RAD54B: variants seen among roughly 807,000 people sequenced by gnomAD.
RAD54B encodes RAD54 homolog B.
Under a neutral mutation model 95.8 loss-of-function variants are expected in RAD54B, and 78 were observed. That is an observed-to-expected ratio of 0.81 (90% CI 0.68 to 0.98). RAD54B has a LOEUF of 0.98. Ranked by LOEUF, RAD54B falls within the 50% of genes least tolerant of loss-of-function variation. RAD54B has a pLI of 0.00. For synonymous variants in RAD54B, 328 were observed against 354.9 expected, an observed-to-expected ratio of 0.92 and a Z score of 0.85; for missense variants, 957 against 1,056.6, an observed-to-expected ratio of 0.91 and a Z score of 1.31.
At chr8:94,419,281 G>T (rs940790461) in intron 3 of RAD54B, among the ~76,000 whole-genome samples, 1 of 152,122 alleles carries the variant, frequency 6.6e-6, no homozygotes, top group African/African-American at 2.4e-5. Context: ...AGGCCAAGGC[G>T]GGTGGATCAC....
At chr8:94,434,696 A>T (rs1812208291) in intron 3 of RAD54B, among the ~76,000 whole-genome samples, 2 of 151,698 alleles carry the variant, frequency 1.3e-5, no homozygotes, top group Admixed American at 6.6e-5. Flanking sequence ...TAAGCACATT[A>T]AATATATATA....
At chr8:94,455,987 C>T (rs535939787) in intron 3 of RAD54B, among the ~76,000 whole-genome samples, 131 of 152,266 alleles carry the variant, frequency 8.6e-4, no homozygotes, top group African/African-American at 3.1e-3. Context: ...CTTTAGGAGA[C>T]ACAATTGAAG....
intron 1 of RAD54B, among the ~76,000 whole-genome samples, chr8:94,471,227 G>A (rs10091109): frequency 0.31 from 45,968 of 149,972 alleles, 7,532 homozygotes; most frequent in East Asian, 0.43. Context: ...ACACAGAAGA[G>A]GTTCAGTATT....
intron 3 of RAD54B, among the ~76,000 whole-genome samples, chr8:94,415,223 A>T (rs1030789261): frequency 1.3e-5 from 2 of 151,350 alleles, no homozygotes; most frequent in African/African-American, 4.9e-5. Flanking sequence ...CATATCTACA[A>T]CTATCTGATC....
intron 3 of RAD54B, among the ~76,000 whole-genome samples, chr8:94,424,290 G>C (rs563920371): frequency 2.0e-4 from 30 of 152,224 alleles, no homozygotes; most frequent in African/African-American, 7.2e-4. Context: ...ACACCTTTGT[G>C]CCAGTTTATA....
intron 3 of RAD54B, chr8:94,436,745 T>C (rs1385570336): frequency 6.4e-7 from 1 of 1,550,696 alleles, no homozygotes; most frequent in Admixed American, 2.0e-5. Context: ...CATCTATTCT[T>C]TTCTACTATT....
intron 9 of RAD54B, chr8:94,393,407 T>C: frequency 4.8e-6 from 1 of 209,406 alleles, no homozygotes; most frequent in Non-Finnish European, 9.4e-6. Context: ...AAGGCCAGAC[T>C]GGGCAACGCA....
intron 1 of RAD54B, among the ~76,000 whole-genome samples, chr8:94,470,205 A>C (rs987917698): frequency 6.6e-6 from 1 of 152,210 alleles, no homozygotes; most frequent in Non-Finnish European, 1.5e-5. Flanking sequence ...GCACGCATGT[A>C]ATCCCAGCAC....
intron 3 of RAD54B, chr8:94,430,509 T>C: frequency 2.2e-6 from 2 of 921,262 alleles, no homozygotes; most frequent in Non-Finnish European, 2.6e-6. Flanking sequence ...CGCTAAAGGG[T>C]TTATTAAAAG....
chr8:94,463,821 G>A (rs1265493751), intron 2 of RAD54B, among the ~76,000 whole-genome samples: 2 of 150,572 alleles, frequency 1.3e-5, no homozygotes, highest in Non-Finnish European at 3.0e-5. Flanking sequence ...AGATGGAGGT[G>A]GGAGGATCAC....
Position 94,372,190 on chromosome 8 carries a change from T to C in RAD54B, c.2713A>G (p.Thr905Ala). Residue 905 changes from threonine to alanine, a missense_variant, in exon 15 of 15, where the codon ACT becomes GCT. Physicochemically the swap from Thr to Ala is moderately conservative, Grantham distance 58. Transcript: ENST00000336148. The stretch of plus-strand genomic sequence containing the variant: ...TTTCACTATGTGCCAGTAGCTTGAG[T>C]GGTTATATTCTGAAAAATGAATGAC... Reference protein sequence around the residue: ...NVSFIFQNITTQATGT With the variant: ...NVSFIFQNITAQATGT The C allele has an allele frequency of 1.2e-6, 2 of 1,606,610 alleles. No homozygotes were observed. Among genetic ancestry groups the C allele is most frequent in the Non-Finnish European group, 1.7e-6 (2 of 1,178,012 alleles).
chr8:94,470,908 G>A (rs1454449749), intron 1 of RAD54B, among the ~76,000 whole-genome samples: 1 of 152,144 alleles, frequency 6.6e-6, no homozygotes, highest in African/African-American at 2.4e-5. Flanking sequence ...CCAAAATCGA[G>A]TCAGTACTAT....
chr8:94,407,118 CCTTA>C (rs1811409014), intron 5 of RAD54B, among the ~76,000 whole-genome samples: 1 of 152,058 alleles, frequency 6.6e-6, no homozygotes, highest in Non-Finnish European at 1.5e-5. Flanking sequence ...TAATTTCTCT[CCTTA>C]CTAAAAAGTC....
At chr8:94,381,805 G>A (rs577754088) in intron 11 of RAD54B, among the ~76,000 whole-genome samples, 5 of 152,210 alleles carry the variant, frequency 3.3e-5, no homozygotes, top group Admixed American at 3.3e-4. Flanking sequence ...GAATTCCAAA[G>A]AAAACAAGAA....
chr8:94,467,508 T>C lies in RAD54B; in HGVS notation c.32A>G (p.Gln11Arg). 6.2e-7 allele frequency: 1 copy of C among 1,613,686 alleles called. No individual in the cohort carries two copies. The highest frequency in any genetic ancestry group is 2.2e-5 in the East Asian group (1 of 44,878). Reference protein sequence around the residue: MRRSAAPSQLQGNSFKKPKFI... With the variant: MRRSAAPSQLRGNSFKKPKFI... The stretch of plus-strand genomic sequence containing the variant: ...TTTTGGTTTTTTGAAGGAATTCCCC[T>C]GCAACTGACTTGGTGCTGCAGATCG... The change falls in exon 2 of 15, where the codon CAG becomes CGG. Residue 11 changes from glutamine (Q) to arginine (R), a missense_variant. Physicochemically the swap from Gln to Arg is conservative, Grantham distance 43. Transcript: ENST00000336148.
chr8:94,413,667 G>A (rs971360205), intron 3 of RAD54B, among the ~76,000 whole-genome samples: 10 of 151,840 alleles, frequency 6.6e-5, no homozygotes, highest in African/African-American at 1.2e-4. Flanking sequence ...ACAAAAGCAC[G>A]AAACATAAAA....
intron 3 of RAD54B, among the ~76,000 whole-genome samples, chr8:94,454,212 C>T (rs1275748170): frequency 1.3e-5 from 2 of 150,956 alleles, no homozygotes; most frequent in African/African-American, 4.9e-5. Context: ...ATCGCATATC[C>T]AGAATAGGTA....
At chr8:94,404,346 C>CA (rs978482616) in intron 5 of RAD54B, 107 bp from the exon 6 acceptor site, 1 of 1,055,626 alleles carries the variant, frequency 9.5e-7, no homozygotes, top group African/African-American at 1.6e-5. Context: ...CATTTGTGGC[C>CA]AAAAAAGTCC....
At chr8:94,420,017 CACAGCACAT>C in intron 3 of RAD54B, among the ~76,000 whole-genome samples, 1 of 152,166 alleles carries the variant, frequency 6.6e-6, no homozygotes, top group African/African-American at 2.4e-5. Flanking sequence ...CAGTATTCAG[CACAGCACAT>C]GCAGTACAGG....
Sources: gnomAD v4.1 joint callset for allele counts (sites outside exome capture counted in the v4.1 genomes callset) on GRCh38, gnomAD v4.1.1 for gene constraint, MANE v1.5 for transcripts, NCBI Gene and HGNC (gene_info 2026-07-23, HGNC 2026-07-21) for gene names.